ATP9B: variants seen among roughly 807,000 people sequenced by gnomAD.
ATP9B encodes the protein ATPase phospholipid transporting 9B.
Under a neutral mutation model 146.1 loss-of-function variants are expected in ATP9B, and 110 were observed. That is an observed-to-expected ratio of 0.75 (90% CI 0.65 to 0.88). The LOEUF (loss-of-function observed/expected upper bound fraction) is 0.88. Among genes scored for constraint, ATP9B ranks in the 40% least tolerant of loss-of-function variants. ATP9B has a pLI of 0.00. For missense variants in ATP9B, 1,499 were observed against 1,496.4 expected, an observed-to-expected ratio of 1.00 and a Z score of -0.03; for synonymous variants, 604 against 569.7, an observed-to-expected ratio of 1.06 and a Z score of -0.86.
intron 13 of ATP9B, among the ~76,000 whole-genome samples, chr18:79,295,814 G>C (rs1240180523): frequency 6.6e-6 from 1 of 152,130 alleles, no homozygotes; most frequent in African/African-American, 2.4e-5. Context: ...TAGGGAGGCA[G>C]ATTCCCTCTC....
chr18:79,073,545 G>T (rs1238351232), intron 1 of ATP9B, among the ~76,000 whole-genome samples: 1 of 152,174 alleles, frequency 6.6e-6, no homozygotes, highest in Non-Finnish European at 1.5e-5. Flanking sequence ...GGAGAATCAG[G>T]CAGGGAGGTT....
At chr18:79,184,812 C>A (rs1434605067) in intron 8 of ATP9B, among the ~76,000 whole-genome samples, 1 of 152,130 alleles carries the variant, frequency 6.6e-6, no homozygotes, top group Non-Finnish European at 1.5e-5. Flanking sequence ...AAAAGCCCCA[C>A]CCTCTGCATC....
intron 8 of ATP9B, among the ~76,000 whole-genome samples, chr18:79,188,716 G>A (rs1188235590): frequency 2.0e-5 from 3 of 152,082 alleles, no homozygotes; most frequent in Non-Finnish European, 2.9e-5. Context: ...AGAGACCTTG[G>A]TAGATGAGTA....
chr18:79,377,361 G>A lies in ATP9B; in HGVS notation c.3422G>A (p.Ser1141Asn), dbSNP rs369585959. The change falls in exon 30 of 30, where the codon AGC becomes AAC. Residue 1141 changes from serine (S) to asparagine (N), a missense_variant. By Grantham distance (46) the Ser-to-Asn change is conservative. Coordinates refer to ENST00000426216, the MANE Select transcript of ATP9B (RefSeq NM_198531.5). ...CTGAGGCGCAAGCTCTCTCCTCCCA[G>A]CTACTGCAAGCTGGCCTCCTAAGGG... is the stretch of plus-strand genomic sequence containing the variant. ...KYLRRKLSPP[S>N]YCKLAS is the part of the protein sequence containing the mutation. 3 of 1,609,448 alleles carry A rather than the reference G, an allele frequency of 1.9e-6. No individual in the cohort carries two copies. The highest frequency in any genetic ancestry group is 2.5e-6 in the Non-Finnish European group (3 of 1,180,006).
intron 12 of ATP9B, among the ~76,000 whole-genome samples, chr18:79,267,224 G>T (rs568818819): frequency 1.4e-3 from 210 of 152,060 alleles, no homozygotes; most frequent in African/African-American, 4.9e-3. Flanking sequence ...ATATTTTCCT[G>T]TTATCCCTGA....
chr18:79,316,338 G>A (rs532893785), intron 15 of ATP9B, among the ~76,000 whole-genome samples: 119 of 152,212 alleles, frequency 7.8e-4, no homozygotes, highest in Non-Finnish European at 1.5e-3. Context: ...CCTTCCACCC[G>A]CCGCCTGAAT....
At chr18:79,263,248 T>C (rs908661071) in intron 12 of ATP9B, among the ~76,000 whole-genome samples, 2 of 152,170 alleles carry the variant, frequency 1.3e-5, no homozygotes, top group African/African-American at 4.8e-5. Flanking sequence ...CCATGGGGGA[T>C]TGGTTCCAGC....
At chr18:79,362,288 G>C (rs1353191935) in intron 26 of ATP9B, 1 of 152,108 alleles carries the variant, frequency 6.6e-6, no homozygotes, top group East Asian at 1.9e-4. Context: ...CCAACCTCAA[G>C]TATAAACATT....
intron 15 of ATP9B, among the ~76,000 whole-genome samples, chr18:79,310,699 T>C (rs1333619729): frequency 6.6e-6 from 1 of 152,204 alleles, no homozygotes; most frequent in Non-Finnish European, 1.5e-5. Flanking sequence ...TGTGTGCAGA[T>C]GTGGGAACCA....
At chr18:79,262,063 C>T (rs948894083) in intron 12 of ATP9B, among the ~76,000 whole-genome samples, 1 of 152,098 alleles carries the variant, frequency 6.6e-6, no homozygotes, top group Admixed American at 6.5e-5. Flanking sequence ...GGCGTGTACC[C>T]TCGGGGCCCT....
At chr18:79,142,462 A>C (rs1051594064) in intron 5 of ATP9B, among the ~76,000 whole-genome samples, 24 of 152,190 alleles carry the variant, frequency 1.6e-4, no homozygotes, top group African/African-American at 5.1e-4. Context: ...AGAAGGGTGA[A>C]TTGGATAGCT....
chr18:79,373,476 A>G (rs1160835073), intron 27 of ATP9B, among the ~76,000 whole-genome samples: 1 of 147,712 alleles, frequency 6.8e-6, no homozygotes, highest in Non-Finnish European at 1.5e-5. Flanking sequence ...AAGCATGGGC[A>G]TGGCCATTAT....
At chr18:79,365,748 G>A (rs2097023553) in intron 26 of ATP9B, among the ~76,000 whole-genome samples, 1 of 152,050 alleles carries the variant, frequency 6.6e-6, no homozygotes, top group Admixed American at 6.5e-5. Context: ...CGTGATGGAA[G>A]GACATCTCCG....
At chr18:79,348,751 G>A (rs1238784185) in intron 25 of ATP9B, among the ~76,000 whole-genome samples, 4 of 152,264 alleles carry the variant, frequency 2.6e-5, no homozygotes, top group African/African-American at 9.6e-5. Context: ...TGAAGTGGGC[G>A]TGGGTGGATC....
intron 11 of ATP9B, among the ~76,000 whole-genome samples, chr18:79,250,852 C>T (rs1322843539): frequency 6.6e-6 from 1 of 152,096 alleles, no homozygotes; most frequent in Admixed American, 6.6e-5. Context: ...TGTGGCTGAC[C>T]CAGAGAAGAG....
chr18:79,371,953 G>A lies in ATP9B; in HGVS notation c.3013-872G>A, dbSNP rs187041214. Among the ~76,000 whole-genome samples, 39 of 152,334 alleles carry A rather than the reference G, an allele frequency of 2.6e-4. 1 individual carries two copies. The highest frequency in any genetic ancestry group is 7.7e-4 in the African/African-American group (32 of 41,572). On this transcript the variant is annotated intron_variant, in intron 26 of 29. Transcript: ENST00000426216. ...ATCACGGAACTTCTCGAGTCTCCTC[G>A]TCTGTAAATGGAAACGACGTCTGCT...
At chr18:79,312,653 C>T (rs959504714) in intron 15 of ATP9B, among the ~76,000 whole-genome samples, 18 of 152,108 alleles carry the variant, frequency 1.2e-4, no homozygotes, top group African/African-American at 3.1e-4. Flanking sequence ...GAAGATGGTG[C>T]GGGGAGCTAC....
chr18:79,330,664 C>G (rs7238521), intron 17 of ATP9B, among the ~76,000 whole-genome samples: 58,551 of 152,074 alleles, frequency 0.39, 11,460 homozygotes, highest in Middle Eastern at 0.54. Context: ...CCGCCCGTGT[C>G]GGCCTCCCAA....
At chr18:79,176,752 G>T in intron 7 of ATP9B, 61 bp from the exon 8 acceptor site, 1 of 1,398,500 alleles carries the variant, frequency 7.2e-7, no homozygotes. Context: ...GGCACCTGTA[G>T]CTCAGGAAAA....
Sources: allele counts gnomAD v4.1 joint callset (sites outside exome capture counted in the v4.1 genomes callset), GRCh38; gene constraint gnomAD v4.1.1; transcripts MANE v1.5; gene names NCBI Gene and HGNC (gene_info 2026-07-23, HGNC 2026-07-21).